The following GRID2 variants were observed in gnomAD, a reference collection of about 807,000 sequenced individuals.
GRID2 encodes the protein glutamate ionotropic receptor delta type subunit 2.
In GRID2, 33 loss-of-function variants were observed where a neutral mutation model predicts 114.8. That is an observed-to-expected ratio of 0.29 (90% confidence interval 0.22 to 0.38). The LOEUF is 0.38. GRID2 is among the 10% of genes least tolerant of loss of function. The pLI, the probability that GRID2 is intolerant of heterozygous loss-of-function variation, is 1.00. For missense variants in GRID2, 1,184 were observed against 1,257.7 expected (o/e 0.94, Z 0.89); for synonymous variants, 505 against 449.9 (o/e 1.12, Z -1.55).
intron 2 of GRID2, among the ~76,000 whole-genome samples, chr4:92,610,928 T>C (rs546696938): frequency 6.6e-6 from 1 of 151,900 alleles, no homozygotes; most frequent in Non-Finnish European, 1.5e-5. Flanking sequence ...TATAGGGATA[T>C]ATCATTTTGT....
chr4:93,183,202 TA>T (rs200711292), intron 4 of GRID2, among the ~76,000 whole-genome samples: 10 of 151,042 alleles, frequency 6.6e-5, no homozygotes, highest in South Asian at 4.2e-4. Flanking sequence ...GTTTACTAAT[TA>T]AAAAAAAATG....
intron 2 of GRID2, among the ~76,000 whole-genome samples, chr4:92,639,184 T>C (rs556130437): frequency 6.6e-6 from 1 of 151,834 alleles, no homozygotes; most frequent in Non-Finnish European, 1.5e-5. Context: ...TGGAATCTAT[T>C]TATATTTCTG....
chr4:92,304,816 C>T lies in GRID2; in HGVS notation c.88+72C>T, dbSNP rs1300241696. ...TCTCAAATGTTTCCCCTTCGCTTTC[C>T]CCCTCTCCGGTCTCTGTGTGTCTTG... On this transcript the variant is annotated intron_variant, in intron 1 of 15. Coordinates refer to ENST00000282020, the MANE Select transcript of GRID2 (RefSeq NM_001510.4). 4 of 1,083,938 alleles carry T rather than the reference C, an allele frequency of 3.7e-6. No homozygotes were observed. The Admixed American group carries it at 6.9e-5, about 19-fold the overall frequency. The allele number at this position is 1,083,938 out of a possible 1,614,324, so 67.1% of individuals were successfully genotyped here.
intron 1 of GRID2, among the ~76,000 whole-genome samples, chr4:92,380,110 C>T (rs183610781): frequency 6.6e-6 from 1 of 151,954 alleles, no homozygotes; most frequent in African/African-American, 2.4e-5. Context: ...TTGTTAGCAT[C>T]AGCAAAGCAA....
At chr4:92,502,115 AT>A (rs1453232785) in intron 1 of GRID2, among the ~76,000 whole-genome samples, 5 of 152,290 alleles carry the variant, frequency 3.3e-5, no homozygotes, top group African/African-American at 1.2e-4. Flanking sequence ...TTTTAAAAAA[AT>A]AAAAGACTAA....
At chr4:93,645,127 AGAAAT>A (rs1448493073) in intron 14 of GRID2, among the ~76,000 whole-genome samples, 1 of 152,158 alleles carries the variant, frequency 6.6e-6, no homozygotes, top group Non-Finnish European at 1.5e-5. Flanking sequence ...TGAAGGCAAA[AGAAAT>A]GAAAGGGAAG....
In GRID2 at chr4:92,978,831, T is replaced by C. The variant is rs183334767; in HGVS notation, c.245-106164T>C. Among the ~76,000 whole-genome samples, 41 of 152,090 alleles carry C rather than the reference T, an allele frequency of 2.7e-4. 1 individual carries two copies. Among genetic ancestry groups the C allele is most frequent in the African/African-American group, 8.4e-4 (35 of 41,524 alleles). Reference sequence around the variant, plus strand: ...AGAATCACCTGGGGCCCGAGACCAGTTGGGCTGCAACATAGTGAGACCCTG... The same window carrying C: ...AGAATCACCTGGGGCCCGAGACCAGCTGGGCTGCAACATAGTGAGACCCTG... On this transcript the variant is annotated intron_variant, in intron 2 of 15. Transcript: ENST00000282020.
At chr4:92,532,478 T>A (rs1185569868) in intron 1 of GRID2, among the ~76,000 whole-genome samples, 1 of 152,194 alleles carries the variant, frequency 6.6e-6, no homozygotes, top group African/African-American at 2.4e-5. Flanking sequence ...GTACCGGATA[T>A]GTTCCCCTTT....
At position 92,428,742 on chromosome 4, in the gene GRID2, A is replaced by G. The variant is rs569091647; in HGVS notation, c.88+123998A>G. Among the ~76,000 whole-genome samples, 100 of 152,248 alleles carry G rather than the reference A, an allele frequency of 6.6e-4. No homozygotes were observed. In the South Asian group the frequency reaches 0.02, roughly 31 times the overall value. On this transcript the variant is annotated intron_variant, in intron 1 of 15. Coordinates refer to ENST00000282020, the MANE Select transcript of GRID2 (RefSeq NM_001510.4). ...TAAGACCTACATTTCCTATCTTTTAATGTTTATTTTATTATGCCACTTCCA... is the reference window on the plus strand; with the variant it reads ...TAAGACCTACATTTCCTATCTTTTAGTGTTTATTTTATTATGCCACTTCCA...
chr4:93,751,548 G>A (rs1197366144), intron 14 of GRID2, among the ~76,000 whole-genome samples: 1 of 152,156 alleles, frequency 6.6e-6, no homozygotes, highest in Non-Finnish European at 1.5e-5. Flanking sequence ...TCATGAGAAG[G>A]ACAATGATTT....
At chr4:93,002,095 A>G (rs1721048259) in intron 2 of GRID2, among the ~76,000 whole-genome samples, 1 of 151,758 alleles carries the variant, frequency 6.6e-6, no homozygotes, top group African/African-American at 2.4e-5. Context: ...TGGTACAGCT[A>G]CATTGTTTTT....
intron 13 of GRID2, among the ~76,000 whole-genome samples, chr4:93,537,680 T>C (rs1732228349): frequency 6.6e-6 from 1 of 151,814 alleles, no homozygotes; most frequent in South Asian, 2.1e-4. Flanking sequence ...TTTGGAGAGT[T>C]GATGCTTTCT....
At chr4:93,615,117 T>C (rs1207841375) in intron 13 of GRID2, among the ~76,000 whole-genome samples, 1 of 152,190 alleles carries the variant, frequency 6.6e-6, no homozygotes, top group Non-Finnish European at 1.5e-5. Flanking sequence ...TTAACAAGCA[T>C]TTGACTATAA....
At chr4:92,897,646 T>C (rs538289773) in intron 2 of GRID2, among the ~76,000 whole-genome samples, 1 of 152,278 alleles carries the variant, frequency 6.6e-6, no homozygotes, top group East Asian at 1.9e-4. Flanking sequence ...GGGTCTTCCC[T>C]AATTTGAGAA....
intron 2 of GRID2, among the ~76,000 whole-genome samples, chr4:92,972,986 A>G (rs940045882): frequency 6.6e-6 from 1 of 152,066 alleles, no homozygotes; most frequent in African/African-American, 2.4e-5. Context: ...GTGTAACACA[A>G]TTTTTTTAAT....
intron 2 of GRID2, among the ~76,000 whole-genome samples, chr4:92,652,546 G>A (rs1731994582): frequency 6.6e-6 from 1 of 151,556 alleles, no homozygotes; most frequent in African/African-American, 2.4e-5. Context: ...GCCAGGCATG[G>A]TGACACATGC....
chr4:92,677,006 A>T (rs924367721), intron 2 of GRID2, among the ~76,000 whole-genome samples: 2 of 150,422 alleles, frequency 1.3e-5, no homozygotes, highest in Non-Finnish European at 2.9e-5. Context: ...TATGCTAAAT[A>T]AAAAAAAATC....
At chr4:92,926,932 A>G (rs781103615) in intron 2 of GRID2, among the ~76,000 whole-genome samples, 1 of 151,864 alleles carries the variant, frequency 6.6e-6, no homozygotes, top group Non-Finnish European at 1.5e-5. Context: ...TCCACTCTCA[A>G]CTGTTGCACT....
At chr4:92,793,382 G>A (rs1028767873) in intron 2 of GRID2, among the ~76,000 whole-genome samples, 2 of 151,612 alleles carry the variant, frequency 1.3e-5, no homozygotes, top group East Asian at 3.9e-4. Context: ...TGAAGTGTTT[G>A]GGACTTTCTG....
Sources: gnomAD v4.1 joint callset for allele counts (sites outside exome capture counted in the v4.1 genomes callset) on GRCh38, gnomAD v4.1.1 for gene constraint, MANE v1.5 for transcripts, NCBI Gene and HGNC (gene_info 2026-07-23, HGNC 2026-07-21) for gene names.